Variants in GMDS observed in about 807,000 individuals in gnomAD.
The protein encoded by GMDS is GDP-mannose 4,6-dehydratase.
Under a neutral mutation model 49.9 loss-of-function variants are expected in GMDS, and 20 were observed. That is an observed-to-expected ratio of 0.40 (90% CI 0.28 to 0.58). The LOEUF is 0.58. Ranked by LOEUF, GMDS falls within the 20% of genes least tolerant of loss-of-function variation. GMDS has a pLI of 0.42. For synonymous variants in GMDS, 177 were observed against 178.6 expected, an observed-to-expected ratio of 0.99 and a Z score of 0.07; for missense variants, 362 against 481.4, an observed-to-expected ratio of 0.75 and a Z score of 2.32.
chr6:1,869,770 A>C (rs1409659741), intron 7 of GMDS, among the ~76,000 whole-genome samples: 1 of 152,246 alleles, frequency 6.6e-6, no homozygotes, highest in African/African-American at 2.4e-5. Flanking sequence ...GCGGAAAAGG[A>C]ACATTTAGTG....
intron 4 of GMDS, among the ~76,000 whole-genome samples, chr6:2,053,076 A>G (rs9392358): frequency 0.18 from 27,063 of 152,020 alleles, 2,870 homozygotes; most frequent in East Asian, 0.22. Flanking sequence ...AGATTGCTGA[A>G]GAATATTTCC....
intron 4 of GMDS, among the ~76,000 whole-genome samples, chr6:2,073,408 T>G (rs1002905327): frequency 5.3e-5 from 8 of 152,196 alleles, no homozygotes; most frequent in African/African-American, 1.9e-4. Context: ...AGAGCACATG[T>G]GATATTTTGC....
At chr6:2,179,423 C>A (rs945967313) in intron 1 of GMDS, among the ~76,000 whole-genome samples, 1 of 152,138 alleles carries the variant, frequency 6.6e-6, no homozygotes, top group African/African-American at 2.4e-5. Context: ...TAAGAGGAAA[C>A]ACCTTTGGGG....
intron 7 of GMDS, among the ~76,000 whole-genome samples, chr6:1,922,299 C>A (rs1285096525): frequency 2.0e-5 from 3 of 152,222 alleles, no homozygotes; most frequent in African/African-American, 4.8e-5. Context: ...CCGTTGCTTT[C>A]TGTTAAGTAA....
chr6:1,873,798 C>T (rs1758896816), intron 7 of GMDS, among the ~76,000 whole-genome samples: 1 of 152,204 alleles, frequency 6.6e-6, no homozygotes, highest in Admixed American at 6.5e-5. Flanking sequence ...AGCAGGAAAA[C>T]ACAACACCCT....
chr6:2,234,365 T>C (rs1000297194), intron 1 of GMDS, among the ~76,000 whole-genome samples: 2 of 152,286 alleles, frequency 1.3e-5, no homozygotes, highest in East Asian at 1.9e-4. Flanking sequence ...AAGATCCTAC[T>C]GGGAGGCCGA....
At chr6:1,806,710 T>C (rs1023062060) in intron 7 of GMDS, among the ~76,000 whole-genome samples, 2 of 152,214 alleles carry the variant, frequency 1.3e-5, no homozygotes, top group African/African-American at 4.8e-5. Context: ...TCTGTTGATA[T>C]TTTCACATAC....
chr6:2,208,508 T>C (rs1033983267), intron 1 of GMDS, among the ~76,000 whole-genome samples: 4 of 152,088 alleles, frequency 2.6e-5, no homozygotes, highest in Non-Finnish European at 4.4e-5. Context: ...AATTGTAGAG[T>C]ATTATATACA....
At chr6:1,864,314 G>C (rs73417937) in intron 7 of GMDS, among the ~76,000 whole-genome samples, 1,843 of 152,218 alleles carry the variant, frequency 0.012, 31 homozygotes, top group African/African-American at 0.042. Flanking sequence ...TTTCAAAACA[G>C]AAGTGTAAAC....
chr6:1,825,982 C>T (rs922837256), intron 7 of GMDS, among the ~76,000 whole-genome samples: 1 of 152,142 alleles, frequency 6.6e-6, no homozygotes, highest in Non-Finnish European at 1.5e-5. Context: ...CACCACTGTA[C>T]TCCAGCCTGG....
chr6:2,128,467 T>A (rs1284951714), intron 1 of GMDS, among the ~76,000 whole-genome samples: 1 of 152,076 alleles, frequency 6.6e-6, no homozygotes, highest in Non-Finnish European at 1.5e-5. Flanking sequence ...GAGCCACCCA[T>A]CCTACTCTCG....
intron 7 of GMDS, among the ~76,000 whole-genome samples, chr6:1,902,311 T>C (rs1760540258): frequency 6.6e-6 from 1 of 152,232 alleles, no homozygotes; most frequent in Non-Finnish European, 1.5e-5. Context: ...ACAAAAGTTA[T>C]TTATGGACTA....
intron 7 of GMDS, among the ~76,000 whole-genome samples, chr6:1,749,247 C>T (rs997462289): frequency 6.6e-6 from 1 of 152,184 alleles, no homozygotes; most frequent in East Asian, 1.9e-4. Context: ...TACCCCAGAT[C>T]ACAATCTGCG....
intron 9 of GMDS, among the ~76,000 whole-genome samples, chr6:1,644,256 C>T (rs1002033281): frequency 6.6e-6 from 1 of 152,214 alleles, no homozygotes; most frequent in Admixed American, 6.5e-5. Context: ...AACGTGTGAA[C>T]GATAGCGGAT....
intron 9 of GMDS, among the ~76,000 whole-genome samples, chr6:1,708,058 C>T (rs761102282): frequency 1.6e-4 from 24 of 152,056 alleles, no homozygotes; most frequent in South Asian, 2.1e-4. Flanking sequence ...TACAAATAAA[C>T]AAAAAACAAA....
At chr6:2,242,238 T>C (rs1269532630) in intron 1 of GMDS, among the ~76,000 whole-genome samples, 1 of 152,162 alleles carries the variant, frequency 6.6e-6, no homozygotes, top group Non-Finnish European at 1.5e-5. Flanking sequence ...GGCAACAGTA[T>C]TCAAAAAACA....
intron 7 of GMDS, among the ~76,000 whole-genome samples, chr6:1,809,993 A>G (rs537318163): frequency 2.0e-5 from 3 of 150,474 alleles, no homozygotes; most frequent in Non-Finnish European, 3.0e-5. Flanking sequence ...TTAATAACCA[A>G]TATTAATTCT....
At chr6:2,024,323 A>T (rs964932766) in intron 4 of GMDS, among the ~76,000 whole-genome samples, 1 of 152,188 alleles carries the variant, frequency 6.6e-6, no homozygotes, top group Non-Finnish European at 1.5e-5. Flanking sequence ...AAGAAGGAAG[A>T]TGAACTCACA....
Position 1,960,983 on chromosome 6 carries a change from G to T in GMDS, c.346-17C>A. On this transcript the variant is annotated splice_polypyrimidine_tract_variant and intron_variant, in intron 4 of 10. Coordinates refer to ENST00000380815, the MANE Select transcript of GMDS (RefSeq NM_001500.4). Reference sequence around the variant, plus strand: ...AAAGGAAATCTGGAAAAAGCAGGCGGAGACAGGGCTGCATTAATAGCTTCA... The same window carrying T: ...AAAGGAAATCTGGAAAAAGCAGGCGTAGACAGGGCTGCATTAATAGCTTCA... 6.6e-7 allele frequency: 1 copy of T among 1,504,810 alleles called. No individual in the cohort carries two copies. The highest frequency in any genetic ancestry group is 9.1e-7 in the Non-Finnish European group (1 of 1,104,078). 93.2% of individuals were successfully genotyped at this position (1,504,810 alleles called of 1,614,324 possible). A position where few individuals can be genotyped will look rare whatever the true frequency, so the allele number is the denominator to read the frequency against.
Sources: allele counts gnomAD v4.1 joint callset (sites outside exome capture counted in the v4.1 genomes callset), GRCh38; gene constraint gnomAD v4.1.1; transcripts MANE v1.5; gene names NCBI Gene and HGNC (gene_info 2026-07-23, HGNC 2026-07-21).